IGDCC3: variants seen among roughly 807,000 people sequenced by gnomAD.
IGDCC3 encodes immunoglobulin superfamily DCC subclass member 3, also known as putative neuronal cell adhesion molecule.
A neutral mutation model predicts 72.0 loss-of-function variants in IGDCC3; 47 were observed. The observed-to-expected ratio is 0.65, with a 90% CI of 0.52 to 0.83. The LOEUF (loss-of-function observed/expected upper bound fraction) is 0.83, where lower values mean the gene tolerates loss of function less well. IGDCC3 is among the 40% of genes least tolerant of loss of function. The probability of loss-of-function intolerance (pLI) is 0.00; values close to 1 mark genes in which losing one functional copy is unlikely to be tolerated. For synonymous variants in IGDCC3, 477 were observed against 472.8 expected, an observed-to-expected ratio of 1.01 and a Z score of -0.11; for missense variants, 1,038 against 1,091.3, an observed-to-expected ratio of 0.95 and a Z score of 0.69.
At chr15:65,371,656 G>C (rs889480651) in intron 2 of IGDCC3, among the ~76,000 whole-genome samples, 1 of 152,210 alleles carries the variant, frequency 6.6e-6, no homozygotes, top group South Asian at 2.1e-4. Context: ...TCATAGAGCT[G>C]ATCACCCCAG....
At chr15:65,341,954 T>C (rs2091085109) in intron 2 of IGDCC3, among the ~76,000 whole-genome samples, 1 of 152,140 alleles carries the variant, frequency 6.6e-6, no homozygotes, top group South Asian at 2.1e-4. Context: ...TTTGTATTTT[T>C]AGTAGAGACG....
Position 65,329,406 on chromosome 15 carries a change from G to C in IGDCC3, c.2189C>G (p.Pro730Arg), listed in dbSNP as rs937859709. ...LFPPASAAGQPDPRPTQDPAA... is the reference protein window; with the variant it reads ...LFPPASAAGQRDPRPTQDPAA... The stretch of plus-strand genomic sequence containing the variant: ...GGCACTCACTGTGGGTCTGGGGTCC[G>C]GCTGCCCTGCTGCGCTGGCCGGGGG... The change falls in exon 13 of 14, where the codon CCG (proline) becomes CGG (arginine). Residue 730 changes from proline (P) to arginine (R), a missense_variant. Pro to Arg is a moderately radical substitution (Grantham distance 103). Coordinates refer to ENST00000327987, the MANE Select transcript of IGDCC3 (RefSeq NM_004884.4). This position sits in a 1 kb window ranked among gnomAD's most constrained non-coding sequence, Gnocchi z 4.1. 2 of 1,589,106 alleles carry C rather than the reference G, an allele frequency of 1.3e-6. No individual in the cohort carries two copies. Among genetic ancestry groups the C allele is most frequent in the Non-Finnish European group, 1.7e-6 (2 of 1,171,524 alleles).
At chr15:65,334,575 T>G in intron 5 of IGDCC3, 153 bp downstream of exon 5, 2 of 724,632 alleles carry the variant, frequency 2.8e-6, no homozygotes, top group Non-Finnish European at 4.3e-6. Context: ...GAGGGAAACT[T>G]ACCCTCTTCC....
chr15:65,357,689 C>G (rs770845695), intron 2 of IGDCC3, among the ~76,000 whole-genome samples: 2 of 152,212 alleles, frequency 1.3e-5, no homozygotes, highest in Non-Finnish European at 2.9e-5. Flanking sequence ...AAGTATAACT[C>G]ATTGTTTTCC....
At chr15:65,338,776 C>T (rs1389880059) in intron 2 of IGDCC3, among the ~76,000 whole-genome samples, 6 of 152,218 alleles carry the variant, frequency 3.9e-5, no homozygotes, top group Non-Finnish European at 7.3e-5. Context: ...TCTTCAGGGC[C>T]CCTCCAGCCC....
chr15:65,373,558 G>C (rs932879989), intron 2 of IGDCC3: 1 of 152,634 alleles, frequency 6.6e-6, no homozygotes, highest in African/African-American at 2.4e-5. Context: ...CTGTGCAAAT[G>C]CCCTCAGAGC....
chr15:65,367,416 T>C lies in IGDCC3; in HGVS notation c.409+7681A>G, dbSNP rs1338692335. On this transcript the variant is annotated intron_variant, in intron 2 of 13. Coordinates refer to ENST00000327987, the MANE Select transcript of IGDCC3 (RefSeq NM_004884.4). ...GGGGGAGGGATAGCTTTAGGAGATA[T>C]ACCTAATGCTAAATGACGAGTTAAT... Among the ~76,000 whole-genome samples, 5 of 148,514 alleles carry C rather than the reference T, an allele frequency of 3.4e-5. No homozygotes were observed. In the East Asian group the frequency reaches 5.9e-4, roughly 18 times the overall value.
At chr15:65,365,002 G>A (rs1052731067) in intron 2 of IGDCC3, among the ~76,000 whole-genome samples, 2 of 152,188 alleles carry the variant, frequency 1.3e-5, no homozygotes, top group African/African-American at 4.8e-5. Flanking sequence ...GGAAGGCCAG[G>A]GTTCAGAAGC....
Position 65,335,297 on chromosome 15 carries a change from C to G in IGDCC3, c.679G>C (p.Val227Leu). The G allele has an allele frequency of 4.3e-6, 7 of 1,609,770 alleles. No individual in the cohort carries two copies. Among genetic ancestry groups the G allele is most frequent in the Non-Finnish European group, 5.9e-6 (7 of 1,177,786 alleles). Residue 227 changes from valine to leucine, a missense_variant, in exon 4 of 14, where the codon GTG becomes CTG. By Grantham distance (32) the Val-to-Leu change is conservative. Coordinates refer to ENST00000327987, the MANE Select transcript of IGDCC3 (RefSeq NM_004884.4). ...AGTGCTGAAGGACCCTCACCTGACA[C>G]AGTGAGCCTGGCCCCGTGGCTGATC... is the stretch of plus-strand genomic sequence containing the variant. ...IRISHGARLTVSGSGSGAYKE... is the reference protein window; with the variant it reads ...IRISHGARLTLSGSGSGAYKE...
At chr15:65,336,562 A>T (rs2091030797) in intron 2 of IGDCC3, among the ~76,000 whole-genome samples, 1 of 151,842 alleles carries the variant, frequency 6.6e-6, no homozygotes, top group Non-Finnish European at 1.5e-5. Flanking sequence ...GTTCATCTGC[A>T]GTCTCTCGAT....
intron 2 of IGDCC3, among the ~76,000 whole-genome samples, chr15:65,340,201 G>A (rs546062914): frequency 6.6e-6 from 1 of 152,240 alleles, no homozygotes; most frequent in East Asian, 1.9e-4. Flanking sequence ...ATCTAGGGCC[G>A]CTCAGGGAGG....
Position 65,330,438 on chromosome 15 carries a change from A to G in IGDCC3, c.1754-41T>C, listed in dbSNP as rs1340144525. The G allele has an allele frequency of 4.4e-6, 7 of 1,586,178 alleles. No homozygotes were observed. The South Asian group carries it at 7.8e-5, about 18-fold the overall frequency. ...GCGGATGAGCAACTGCCCCTGCCCA[A>G]CCACGTGCCCTGTCCTAGCCAGGAA... On this transcript the variant is annotated intron_variant, in intron 10 of 13. Coordinates refer to ENST00000327987, the MANE Select transcript of IGDCC3 (RefSeq NM_004884.4).
chr15:65,348,458 A>G (rs1202679753), intron 2 of IGDCC3, among the ~76,000 whole-genome samples: 3 of 152,144 alleles, frequency 2.0e-5, no homozygotes, highest in Admixed American at 6.5e-5. Flanking sequence ...GGGTCCTGTA[A>G]CATATTTCTG....
At position 65,333,814 on chromosome 15, in the gene IGDCC3, G is replaced by T. The variant is rs186316112; in HGVS notation, c.824-399C>A. 1.7e-3 allele frequency among the ~76,000 whole-genome samples: 263 copies of T among 152,310 alleles called. 1 individual carries two copies. Among genetic ancestry groups the T allele is most frequent in the African/African-American group, 6.1e-3 (254 of 41,552 alleles). On this transcript the variant is annotated intron_variant, in intron 5 of 13. Transcript: ENST00000327987. ...CACAGTGCCCCTGTGACCTGGTTGGGGGGGGAACCCGGTTAACTTTGTTTC... is the reference window on the plus strand; with the variant it reads ...CACAGTGCCCCTGTGACCTGGTTGGTGGGGGAACCCGGTTAACTTTGTTTC...
intron 2 of IGDCC3, among the ~76,000 whole-genome samples, chr15:65,359,712 A>G (rs559334312): frequency 1.0e-3 from 155 of 152,338 alleles, no homozygotes; most frequent in Non-Finnish European, 1.6e-3. Flanking sequence ...AGAGACTGAA[A>G]TAGGGGATTT....
At chr15:65,348,894 T>C (rs1048043513) in intron 2 of IGDCC3, among the ~76,000 whole-genome samples, 12 of 152,120 alleles carry the variant, frequency 7.9e-5, no homozygotes, top group African/African-American at 1.2e-4. Context: ...GGGGAGCTTT[T>C]TCCTCCCTAA....
chr15:65,357,771 T>G (rs1456670931), intron 2 of IGDCC3, among the ~76,000 whole-genome samples: 1 of 152,242 alleles, frequency 6.6e-6, no homozygotes, highest in Non-Finnish European at 1.5e-5. Flanking sequence ...ATAACTCTCC[T>G]AAATGTTCAT....
chr15:65,329,411 C>A lies in IGDCC3; in HGVS notation c.2184G>T (p.Gly728=). The change falls in exon 13 of 14, where the codon GGG becomes GGT. Residue 728 remains glycine, a synonymous_variant. Transcript: ENST00000327987. The surrounding 1 kb of genome is among the most constrained non-coding windows in gnomAD (Gnocchi z 4.1). The part of the protein sequence containing the change: ...EQLFPPASAA[G]QPDPRPTQDP... ...TCACTGTGGGTCTGGGGTCCGGCTG[C>A]CCTGCTGCGCTGGCCGGGGGGAACA... 6.3e-7 allele frequency: 1 copy of A among 1,591,740 alleles called. No individual in the cohort carries two copies. Among genetic ancestry groups the A allele is most frequent in the Admixed American group, 1.9e-5 (1 of 53,654 alleles).
intron 2 of IGDCC3, among the ~76,000 whole-genome samples, chr15:65,340,844 T>C (rs771760979): frequency 7.2e-5 from 11 of 152,364 alleles, no homozygotes; most frequent in Non-Finnish European, 1.5e-4. Context: ...TTCTCCTGCC[T>C]CAGCCTCCCA....
Sources: gnomAD v4.1 joint callset for allele counts (sites outside exome capture counted in the v4.1 genomes callset) on GRCh38, gnomAD v4.1.1 for gene constraint, Gnocchi (gnomAD v3.1) non-coding constraint, MANE v1.5 for transcripts, NCBI Gene and HGNC (gene_info 2026-07-23, HGNC 2026-07-21) for gene names.